Variants in CDK5RAP1 observed in about 807,000 individuals in gnomAD.
CDK5RAP1 encodes mitochondrial tRNA methylthiotransferase CDK5RAP1.
CDK5RAP1 carries 62 observed loss-of-function variants against 64.5 expected under a neutral mutation model. That is an observed-to-expected ratio of 0.96 (90% confidence interval 0.78 to 1.19). The LOEUF (loss-of-function observed/expected upper bound fraction) is 1.19, where lower values mean the gene tolerates loss of function less well. Among genes scored for constraint, CDK5RAP1 ranks in the 50% most tolerant of loss-of-function variants. The pLI, the probability that CDK5RAP1 is intolerant of heterozygous loss-of-function variation, is 0.00. For missense variants in CDK5RAP1, 657 were observed against 735.0 expected, an observed-to-expected ratio of 0.89 and a Z score of 1.23; for synonymous variants, 250 against 261.9, an observed-to-expected ratio of 0.95 and a Z score of 0.44.
At position 33,379,477 on chromosome 20, in the gene CDK5RAP1, T is replaced by C. The variant is rs1986470235; in HGVS notation, c.1091A>G (p.Lys364Arg). ...GACGCTCACCTCATCAGGAAAATCC[T>C]TGGGGTGGGGAGAGGTAAAACGGAT... ...MRIRFTSPHP[K>R]DFPDEVLQLI... The change falls in exon 8 of 14, where the codon AAG becomes AGG. Residue 364 changes from lysine (K) to arginine (R), a missense_variant. Coordinates refer to ENST00000346416, the MANE Select transcript of CDK5RAP1 (RefSeq NM_016408.4). 7 of 1,612,186 alleles carry C rather than the reference T, an allele frequency of 4.3e-6. No homozygotes were observed. The highest frequency in any genetic ancestry group is 3.3e-5 in the Admixed American group (2 of 59,974).
intron 11 of CDK5RAP1, among the ~76,000 whole-genome samples, chr20:33,367,934 T>A (rs1216896925): frequency 6.6e-6 from 1 of 152,170 alleles, no homozygotes; most frequent in Admixed American, 6.5e-5. Context: ...AAACGGAGAA[T>A]CCTAAAAATA....
At chr20:33,370,403 G>T (rs1271447991) in intron 11 of CDK5RAP1, 96 bp downstream of exon 11, 1 of 1,312,490 alleles carries the variant, frequency 7.6e-7, no homozygotes, top group East Asian at 2.3e-5. Flanking sequence ...CTCAAGGACT[G>T]CCTTGCCGCC....
At chr20:33,377,598 C>T (rs893886276) in intron 8 of CDK5RAP1, among the ~76,000 whole-genome samples, 1 of 152,158 alleles carries the variant, frequency 6.6e-6, no homozygotes, top group African/African-American at 2.4e-5. Flanking sequence ...ATCACTAAAG[C>T]TTTCTCCATA....
intron 11 of CDK5RAP1, among the ~76,000 whole-genome samples, chr20:33,367,294 C>G (rs1444551059): frequency 6.6e-6 from 1 of 152,146 alleles, no homozygotes; most frequent in Non-Finnish European, 1.5e-5. Context: ...GTACATATAC[C>G]AAATGACTCA....
At chr20:33,395,519 G>A (rs995697767) in intron 2 of CDK5RAP1, among the ~76,000 whole-genome samples, 6 of 151,640 alleles carry the variant, frequency 4.0e-5, no homozygotes, top group South Asian at 4.2e-4. Flanking sequence ...AGAACTGCTC[G>A]AGCCCAGGAG....
chr20:33,385,482 T>C (rs1057050093), intron 7 of CDK5RAP1, 168 bp downstream of exon 7: 3 of 661,786 alleles, frequency 4.5e-6, no homozygotes, highest in Admixed American at 6.0e-5. Context: ...AGTGGAGCTC[T>C]GTAATTTGTG....
At chr20:33,393,093 T>G (rs1456640787) in intron 4 of CDK5RAP1, among the ~76,000 whole-genome samples, 1 of 152,178 alleles carries the variant, frequency 6.6e-6, no homozygotes, top group Non-Finnish European at 1.5e-5. Flanking sequence ...TTGGCCAGAC[T>G]GGTCTTGAAC....
intron 5 of CDK5RAP1, among the ~76,000 whole-genome samples, chr20:33,389,505 C>A (rs568357468): frequency 6.6e-6 from 1 of 151,690 alleles, no homozygotes; most frequent in African/African-American, 2.4e-5. Context: ...GGGTCAGCCC[C>A]CGCCCGGCCA....
At chr20:33,380,280 T>A (rs1257585847) in intron 7 of CDK5RAP1, among the ~76,000 whole-genome samples, 2 of 152,178 alleles carry the variant, frequency 1.3e-5, no homozygotes, top group Non-Finnish European at 2.9e-5. Flanking sequence ...CAGGCTGGAG[T>A]GCAGCAGCAC....
Position 33,392,173 on chromosome 20 carries a change from G to C in CDK5RAP1, c.513C>G (p.Arg171=), listed in dbSNP as rs778880407. Residue 171 remains arginine (R), a synonymous_variant, in exon 5 of 14, where the codon CGC becomes CGG. Coordinates refer to ENST00000346416, the MANE Select transcript of CDK5RAP1 (RefSeq NM_016408.4). ...QLKALKTRRP[R]SRVPLRIGIL... is the part of the protein sequence containing the mutation. Reference sequence around the variant, plus strand: ...TTCCAATCCTCAGAGGAACCCGGGAGCGGGGCCGCCTTGTCTTCAAGGCTT... The same window carrying C: ...TTCCAATCCTCAGAGGAACCCGGGACCGGGGCCGCCTTGTCTTCAAGGCTT... 1 of 1,613,536 alleles carries C rather than the reference G, an allele frequency of 6.2e-7. No individual in the cohort carries two copies. Among genetic ancestry groups the C allele is most frequent in the Non-Finnish European group, 8.5e-7 (1 of 1,179,494 alleles).
chr20:33,369,458 G>A (rs1195162461), intron 11 of CDK5RAP1, among the ~76,000 whole-genome samples: 1 of 151,174 alleles, frequency 6.6e-6, no homozygotes, highest in African/African-American at 2.4e-5. Context: ...ACTCCAGCCT[G>A]GGCAACAGAG....
At chr20:33,382,430 T>C (rs1430232048) in intron 7 of CDK5RAP1, among the ~76,000 whole-genome samples, 6 of 152,130 alleles carry the variant, frequency 3.9e-5, no homozygotes, top group Non-Finnish European at 7.4e-5. Context: ...CCTGTAATCC[T>C]AGCACTTTAG....
At chr20:33,359,823 A>C (rs1222564227) in intron 13 of CDK5RAP1, 1 of 156,610 alleles carries the variant, frequency 6.4e-6, no homozygotes, top group African/African-American at 2.4e-5. Context: ...TGAGAAGAGA[A>C]GGCAGAAGAA....
At chr20:33,387,618 G>T in intron 5 of CDK5RAP1, 85 bp from the exon 6 acceptor site, 2 of 1,095,210 alleles carry the variant, frequency 1.8e-6, no homozygotes, top group Non-Finnish European at 1.4e-6. Context: ...ATCTGTAGCT[G>T]GGATTAGAGA....
intron 1 of CDK5RAP1, among the ~76,000 whole-genome samples, 167 bp downstream of exon 1, chr20:33,401,260 CG>C (rs1219260052): frequency 6.6e-6 from 1 of 152,198 alleles, no homozygotes; most frequent in African/African-American, 2.4e-5. Flanking sequence ...GGTTAGGCGG[CG>C]GGGTTAGGGT....
chr20:33,372,412 C>T (rs1278998166), intron 10 of CDK5RAP1, among the ~76,000 whole-genome samples: 1 of 151,592 alleles, frequency 6.6e-6, no homozygotes, highest in East Asian at 1.9e-4. Flanking sequence ...TCTCTATAGC[C>T]TTGAGGCCAC....
intron 3 of CDK5RAP1, 152 bp from the exon 4 acceptor site, chr20:33,394,218 GGGGCAATCTCAGCTCA>G: frequency 1.8e-6 from 1 of 553,574 alleles, no homozygotes; most frequent in Non-Finnish European, 3.3e-6. Context: ...GGAGTGCAGT[GGGGCAATCTCAGCTCA>G]CTGCAACCTC....
intron 8 of CDK5RAP1, among the ~76,000 whole-genome samples, chr20:33,378,502 T>C (rs971553559): frequency 6.6e-6 from 1 of 152,184 alleles, no homozygotes; most frequent in African/African-American, 2.4e-5. Flanking sequence ...AGTAAGCACA[T>C]GCTGTTGGAA....
At chr20:33,389,625 G>GGGA (rs1988051257) in intron 5 of CDK5RAP1, among the ~76,000 whole-genome samples, 1 of 149,774 alleles carries the variant, frequency 6.7e-6, no homozygotes, top group African/African-American at 2.5e-5. Context: ...CCGTCCAGGA[G>GGGA]GTGGGGGGCG....
Sources: allele counts gnomAD v4.1 joint callset (sites outside exome capture counted in the v4.1 genomes callset), GRCh38; gene constraint gnomAD v4.1.1; transcripts MANE v1.5; gene names NCBI Gene and HGNC (gene_info 2026-07-23, HGNC 2026-07-21).